The following MYCBPAP variants were observed in gnomAD, a reference collection of about 807,000 sequenced individuals.
The protein encoded by MYCBPAP is MYCBP-associated protein.
A neutral mutation model predicts 106.1 loss-of-function variants in MYCBPAP; 60 were observed. That is an observed-to-expected ratio of 0.57 (90% CI 0.46 to 0.70). The LOEUF (loss-of-function observed/expected upper bound fraction) is 0.70. MYCBPAP is among the 30% of genes least tolerant of loss of function. The pLI is 0.00. For synonymous variants in MYCBPAP, 407 were observed against 440.6 expected (o/e 0.92, Z 0.95); for missense variants, 1,064 against 1,169.3 (o/e 0.91, Z 1.31).
At chr17:50,509,576 T>TGTGTGTG (rs2033749448) in intron 1 of MYCBPAP, 3 of 114,834 alleles carry the variant, frequency 2.6e-5, no homozygotes, top group East Asian at 4.2e-4. Context: ...GTGTGTGTGT[T>TGTGTGTG]TGTAAACAGG....
At chr17:50,519,206 C>A in intron 6 of MYCBPAP, 117 bp downstream of exon 6, 1 of 683,114 alleles carries the variant, frequency 1.5e-6, no homozygotes, top group Non-Finnish European at 2.5e-6. Context: ...GAGAAAAAAC[C>A]TATCCATTGC....
At chr17:50,521,674 G>A (rs1230389614) in intron 9 of MYCBPAP, among the ~76,000 whole-genome samples, 3 of 152,162 alleles carry the variant, frequency 2.0e-5, no homozygotes, top group Non-Finnish European at 4.4e-5. Context: ...GTCAACTGAG[G>A]GCTCTCTAGA....
chr17:50,528,930 C>T, intron 17 of MYCBPAP, 88 bp from the exon 18 acceptor site: 3 of 1,596,398 alleles, frequency 1.9e-6, no homozygotes, highest in African/African-American at 1.3e-5. Flanking sequence ...GGCATGTGCC[C>T]AGGCTCTCCC....
rs754295845 is a variant in MYCBPAP, at chr17:50,526,025, G to A, written c.1927G>A (p.Glu643Lys). Residue 643 changes from glutamate to lysine, a missense_variant, in exon 14 of 19, where the codon GAG (glutamate) becomes AAG (lysine). Glu to Lys is a moderately conservative substitution (Grantham distance 56). Coordinates refer to ENST00000323776, the MANE Select transcript of MYCBPAP (RefSeq NM_032133.6). ...IATEKASVNA[E>K]LLPRFRSPIS... ...CACAGAGAAGGCCTCTGTGAATGCT[G>A]AGCTGTTACCACGCTTTAGGAGCCC... The A allele has an allele frequency of 1.2e-6, 2 of 1,613,982 alleles. No individual in the cohort carries two copies. Among genetic ancestry groups the A allele is most frequent in the East Asian group, 2.2e-5 (1 of 44,868 alleles).
At position 50,527,348 on chromosome 17, in the gene MYCBPAP, C is replaced by T. The variant is rs142987219; in HGVS notation, c.2231C>T (p.Ala744Val). ...REDALMRLNK[A>V]ALELCQKPRP... ...GATGCGTTGATGAGGCTCAACAAAG[C>T]AGCCCTGGAGCTGTGCCAGAAGCCA... is the stretch of plus-strand genomic sequence containing the variant. The change falls in exon 15 of 19, where the codon GCA (alanine) becomes GTA (valine). Residue 744 changes from alanine to valine, a missense_variant. Coordinates refer to ENST00000323776, the MANE Select transcript of MYCBPAP (RefSeq NM_032133.6). 111 of 1,614,036 alleles carry T rather than the reference C, an allele frequency of 6.9e-5. No homozygotes were observed. The highest frequency in any genetic ancestry group is 9.1e-5 in the Non-Finnish European group (107 of 1,180,028).
At chr17:50,513,654 C>A (rs2033940393) in intron 1 of MYCBPAP, among the ~76,000 whole-genome samples, 1 of 152,150 alleles carries the variant, frequency 6.6e-6, no homozygotes, top group Admixed American at 6.5e-5. Context: ...AATTGTGCAC[C>A]CACCAGTAAA....
chr17:50,526,168 G>A lies in MYCBPAP; in HGVS notation c.2070G>A (p.Leu690=). ...GGAAGAGCATCATGGAGGAGATCCT[G>A]GTGGAGGAAAGCCCAGATGTGGACA... is the stretch of plus-strand genomic sequence containing the variant. ...PQRKSIMEEI[L]VEESPDVDST... The change falls in exon 14 of 19, where the codon CTG becomes CTA. Residue 690 remains leucine (L), a synonymous_variant. Transcript: ENST00000323776. 1 of 1,613,626 alleles carries A rather than the reference G, an allele frequency of 6.2e-7. No individual in the cohort carries two copies. The highest frequency in any genetic ancestry group is 8.5e-7 in the Non-Finnish European group (1 of 1,179,924).
intron 13 of MYCBPAP, 29 bp from the exon 14 acceptor site, chr17:50,525,852 C>G (rs1247809875): frequency 6.4e-6 from 10 of 1,560,412 alleles, no homozygotes; most frequent in East Asian, 2.2e-5. Context: ...CAGCCTCCCC[C>G]TCACATGCCT....
intron 18 of MYCBPAP, 24 bp downstream of exon 18, chr17:50,529,212 A>AT (rs755614220): frequency 6.3e-7 from 1 of 1,599,354 alleles, no homozygotes; most frequent in Non-Finnish European, 8.5e-7. Flanking sequence ...CCCAGCAGCC[A>AT]TTCCCCTGCC....
At chr17:50,517,549 T>C (rs1567885622) in intron 3 of MYCBPAP, 46 bp from the exon 4 acceptor site, 1 of 1,613,510 alleles carries the variant, frequency 6.2e-7, no homozygotes, top group Non-Finnish European at 8.5e-7. Context: ...CTCTTGAAAG[T>C]TGTCCACCCA....
At chr17:50,519,374 G>A in intron 6 of MYCBPAP, 2 of 585,226 alleles carry the variant, frequency 3.4e-6, no homozygotes, top group Non-Finnish European at 6.1e-6. Flanking sequence ...CCTAAAGAGA[G>A]AGGTTGAAGA....
chr17:50,518,339 G>A (rs754242730), intron 4 of MYCBPAP, among the ~76,000 whole-genome samples: 4 of 152,250 alleles, frequency 2.6e-5, no homozygotes, highest in Non-Finnish European at 2.9e-5. Flanking sequence ...TTCCCTTTGT[G>A]GGGGAGAGTG....
rs1034567694 is a variant in MYCBPAP, at chr17:50,508,470, C to G, written c.-205C>G. 7.0e-7 allele frequency: 1 copy of G among 1,429,536 alleles called. No homozygotes were observed. Among genetic ancestry groups the G allele is most frequent in the Non-Finnish European group, 9.4e-7 (1 of 1,065,968 alleles). 88.6% of individuals were successfully genotyped at this position (1,429,536 alleles called of 1,614,324 possible). A position where few individuals can be genotyped will look rare whatever the true frequency, so the allele number is the denominator to read the frequency against. On this transcript the variant is annotated 5_prime_UTR_variant, in exon 1 of 19. Transcript: ENST00000323776. ...TTCTAGGGGTCCGTCGCTCTTGAAG[C>G]CGCCGGCGGCGGGCGCGTGCGCGGC...
intron 12 of MYCBPAP, 52 bp from the exon 13 acceptor site, chr17:50,524,825 C>T: frequency 1.3e-6 from 2 of 1,588,428 alleles, no homozygotes; most frequent in Admixed American, 3.4e-5. Flanking sequence ...CTGAAGGATG[C>T]ATTGGTTTTG....
chr17:50,514,998 G>T, intron 1 of MYCBPAP: 1 of 354,086 alleles, frequency 2.8e-6, no homozygotes, highest in South Asian at 2.1e-5. Flanking sequence ...GGCGGCTGCT[G>T]CTGTCTCTGG....
At chr17:50,528,123 A>T in intron 15 of MYCBPAP, 32 bp from the exon 16 acceptor site, 1 of 1,580,602 alleles carries the variant, frequency 6.3e-7, no homozygotes, top group Non-Finnish European at 8.7e-7. Context: ...ATGAGGAGTG[A>T]TGGCATTTCT....
rs912594183 is a variant in MYCBPAP, at chr17:50,517,168, C to T, written c.205-125C>T. On this transcript the variant is annotated intron_variant, in intron 2 of 18. Transcript: ENST00000323776. ...GCATTTCCTTGACAGAACATATGGACAGAGCTGAAGAAACAGATCTGTCAG... is the reference window on the plus strand; with the variant it reads ...GCATTTCCTTGACAGAACATATGGATAGAGCTGAAGAAACAGATCTGTCAG... The T allele has an allele frequency of 4.7e-6, 4 of 856,024 alleles. No homozygotes were observed. In the African/African-American group the frequency reaches 6.7e-5, roughly 14 times the overall value. 53.0% of individuals were successfully genotyped at this position (856,024 alleles called of 1,614,324 possible).
intron 6 of MYCBPAP, 59 bp from the exon 7 acceptor site, chr17:50,519,581 T>C (rs991035922): frequency 1.3e-6 from 2 of 1,597,008 alleles, no homozygotes; most frequent in Non-Finnish European, 1.7e-6. Flanking sequence ...TTCCCACATC[T>C]CCACCAGCAT....
chr17:50,529,514 C>T, intron 18 of MYCBPAP: 1 of 376,390 alleles, frequency 2.7e-6, no homozygotes, highest in Admixed American at 3.7e-5. Flanking sequence ...TGGGGAGCAA[C>T]TGCCATAGGA....
Sources: gnomAD v4.1 joint callset for allele counts (sites outside exome capture counted in the v4.1 genomes callset) on GRCh38, gnomAD v4.1.1 for gene constraint, MANE v1.5 for transcripts, NCBI Gene and HGNC (gene_info 2026-07-23, HGNC 2026-07-21) for gene names.